PRKAG2: variants seen among roughly 807,000 people sequenced by gnomAD.
PRKAG2 encodes 5'-AMP-activated protein kinase subunit gamma-2.
A neutral mutation model predicts 69.6 loss-of-function variants in PRKAG2; 26 were observed. The observed-to-expected ratio is 0.37, with a 90% CI of 0.27 to 0.52. PRKAG2 has a LOEUF of 0.52. PRKAG2 is among the 20% of genes least tolerant of loss of function. The pLI, the probability that PRKAG2 is intolerant of heterozygous loss-of-function variation, is 0.90. For synonymous variants in PRKAG2, 293 were observed against 285.0 expected (o/e 1.03, Z -0.28); for missense variants, 557 against 740.0 (o/e 0.75, Z 2.87).
At chr7:151,821,611 T>A (rs1332120457) in intron 1 of PRKAG2, among the ~76,000 whole-genome samples, 1 of 151,760 alleles carries the variant, frequency 6.6e-6, no homozygotes, top group Admixed American at 6.6e-5. Flanking sequence ...ACAAAACCAT[T>A]TTTTTTCTAC....
intron 4 of PRKAG2, among the ~76,000 whole-genome samples, chr7:151,639,476 T>A (rs1230308965): frequency 6.6e-6 from 1 of 152,142 alleles, no homozygotes; most frequent in Admixed American, 6.5e-5. Context: ...GAGACTGGCA[T>A]GTGGGTCAGT....
intron 1 of PRKAG2, among the ~76,000 whole-genome samples, chr7:151,862,166 G>A (rs1011017057): frequency 2.0e-5 from 3 of 149,708 alleles, no homozygotes; most frequent in Non-Finnish European, 4.5e-5. Context: ...TCCCGCCATG[G>A]CAGATGCCTC....
intron 3 of PRKAG2, among the ~76,000 whole-genome samples, chr7:151,738,624 C>T (rs1420230130): frequency 6.6e-6 from 1 of 152,282 alleles, no homozygotes; most frequent in African/African-American, 2.4e-5. Context: ...TAAGGACATG[C>T]TCCTGCTGCA....
chr7:151,735,877 C>A, intron 3 of PRKAG2: 1 of 1,536,144 alleles, frequency 6.5e-7, no homozygotes, highest in Non-Finnish European at 8.7e-7. Flanking sequence ...CCACCAGGGG[C>A]TCGGGAATGG....
intron 6 of PRKAG2, among the ~76,000 whole-genome samples, chr7:151,577,772 AAAT>A (rs1409355469): frequency 6.6e-6 from 1 of 152,194 alleles, no homozygotes; most frequent in African/African-American, 2.4e-5. Context: ...AAAAAAAATC[AAAT>A]AATAATTAAC....
At chr7:151,686,159 G>A (rs1834704617) in intron 3 of PRKAG2, among the ~76,000 whole-genome samples, 1 of 152,108 alleles carries the variant, frequency 6.6e-6, no homozygotes, top group Non-Finnish European at 1.5e-5. Flanking sequence ...TGGGAGCATT[G>A]AGAACACATG....
At position 151,699,616 on chromosome 7, in the gene PRKAG2, CA is replaced by C. The variant is rs1554547498; in HGVS notation, c.467-23980del. 2.0e-5 allele frequency among the ~76,000 whole-genome samples: 3 copies of C among 152,140 alleles called. No homozygotes were observed. Among genetic ancestry groups the C allele is most frequent in the Admixed American group, 1.3e-4 (2 of 15,268 alleles). On this transcript the variant is annotated intron_variant, in intron 3 of 15. Coordinates refer to ENST00000287878, the MANE Select transcript of PRKAG2 (RefSeq NM_016203.4). The surrounding 1 kb of genome is among the most constrained non-coding windows in gnomAD (Gnocchi z 4.5). Reference sequence around the variant, plus strand: ...AAGTATTCACTGGGCACCGGCTGTACAGGGAAGAACTGGAAGTGGGATATGC... The same window carrying C: ...AAGTATTCACTGGGCACCGGCTGTACGGGAAGAACTGGAAGTGGGATATGC...
At chr7:151,797,805 G>T (rs1299760033) in intron 1 of PRKAG2, among the ~76,000 whole-genome samples, 2 of 152,118 alleles carry the variant, frequency 1.3e-5, no homozygotes, top group Non-Finnish European at 2.9e-5. Flanking sequence ...CTTCCATCCC[G>T]GGGTGAGCCG....
At chr7:151,851,304 T>G (rs2079561628) in intron 1 of PRKAG2, among the ~76,000 whole-genome samples, 1 of 151,934 alleles carries the variant, frequency 6.6e-6, no homozygotes, top group Admixed American at 6.6e-5. Flanking sequence ...AAGAACGGGT[T>G]TTCCCAGTTT....
chr7:151,575,896 CAAAA>C (rs397769419), intron 7 of PRKAG2, among the ~76,000 whole-genome samples: 5 of 63,522 alleles, frequency 7.9e-5, no homozygotes, highest in South Asian at 4.9e-4. Context: ...AATGAGGCGG[CAAAA>C]AAAAAAAAAA....
chr7:151,582,803 C>T (rs1011862199), intron 6 of PRKAG2, among the ~76,000 whole-genome samples: 7 of 152,254 alleles, frequency 4.6e-5, no homozygotes, highest in Non-Finnish European at 8.8e-5. Context: ...TGGCCCGTGC[C>T]AGCTGTGTGG....
At chr7:151,631,684 A>G (rs535290340) in intron 5 of PRKAG2, 14 of 453,288 alleles carry the variant, frequency 3.1e-5, no homozygotes, top group African/African-American at 3.1e-4. Context: ...TCTATGATTA[A>G]AGGGTCTGGA....
Position 151,632,161 on chromosome 7 carries a change from C to A in PRKAG2, c.685-23G>T. 1 of 1,361,834 alleles carries A rather than the reference C, an allele frequency of 7.3e-7. No individual in the cohort carries two copies. The highest frequency in any genetic ancestry group is 9.6e-7 in the Non-Finnish European group (1 of 1,044,178). The allele number at this position is 1,361,834 out of a possible 1,614,324, so 84.4% of individuals were successfully genotyped here. A position where few individuals can be genotyped will look rare whatever the true frequency, so the allele number is the denominator to read the frequency against. On this transcript the variant is annotated intron_variant, in intron 4 of 15. Coordinates refer to ENST00000287878, the MANE Select transcript of PRKAG2 (RefSeq NM_016203.4). This position sits in a 1 kb window ranked among gnomAD's most constrained non-coding sequence, Gnocchi z 4.2. ...CGCCTGAGGGGGAGGAGGAGGACAG[C>A]GATCAGCATGAGCTGCGACGCTCGT...
intron 1 of PRKAG2, among the ~76,000 whole-genome samples, chr7:151,874,654 G>A (rs2080344329): frequency 6.6e-6 from 1 of 152,198 alleles, no homozygotes; most frequent in Admixed American, 6.5e-5. Flanking sequence ...AGAGGTCAAG[G>A]TGGGCGGGTC....
rs1563187012 is a variant in PRKAG2 at position 151,583,365 on chromosome 7, A to G, written c.865-6913T>C. On this transcript the variant is annotated intron_variant, in intron 6 of 15. Coordinates refer to ENST00000287878, the MANE Select transcript of PRKAG2 (RefSeq NM_016203.4). The surrounding 1 kb of genome is among the most constrained non-coding windows in gnomAD (Gnocchi z 4.1). ...TCCGCAGGTCACTGAGGAAGTCTCA[A>G]TTCCATCCTTCAGAGATCTCATATA... Among the ~76,000 whole-genome samples the G allele has an allele frequency of 6.6e-6, 1 of 152,162 alleles. No individual in the cohort carries two copies. Among genetic ancestry groups the G allele is most frequent in the African/African-American group, 2.4e-5 (1 of 41,436 alleles).
At chr7:151,626,487 A>G (rs1822935115) in intron 5 of PRKAG2, among the ~76,000 whole-genome samples, 2 of 152,302 alleles carry the variant, frequency 1.3e-5, no homozygotes, top group South Asian at 4.1e-4. Context: ...ATCTACGAGG[A>G]GTGTGTGAAC....
At chr7:151,604,347 A>C (rs1052073872) in intron 5 of PRKAG2, among the ~76,000 whole-genome samples, 1 of 152,192 alleles carries the variant, frequency 6.6e-6, no homozygotes, top group African/African-American at 2.4e-5. Flanking sequence ...GAAAATCATA[A>C]TGAATGTGTC....
chr7:151,847,422 T>C (rs2079459567), intron 1 of PRKAG2, among the ~76,000 whole-genome samples: 2 of 152,128 alleles, frequency 1.3e-5, no homozygotes, highest in Non-Finnish European at 2.9e-5. Flanking sequence ...CTCTGTTCCT[T>C]TTCTCAAGCC....
intron 1 of PRKAG2, among the ~76,000 whole-genome samples, chr7:151,824,648 T>C (rs1379201397): frequency 2.4e-4 from 36 of 152,136 alleles, no homozygotes; most frequent in Non-Finnish European, 1.0e-4. Context: ...CCTGCTCCTC[T>C]CACAGCAAGC....
Sources: allele counts gnomAD v4.1 joint callset (sites outside exome capture counted in the v4.1 genomes callset), GRCh38; gene constraint gnomAD v4.1.1; non-coding constraint Gnocchi (gnomAD v3.1); transcripts MANE v1.5; gene names NCBI Gene and HGNC (gene_info 2026-07-23, HGNC 2026-07-21).